Variants in ARHGEF2 observed in about 807,000 individuals in gnomAD.
The protein encoded by ARHGEF2 is Rho/Rac guanine nucleotide exchange factor 2, also known as rho guanine nucleotide exchange factor 2.
In ARHGEF2, 22 loss-of-function variants were observed where a neutral mutation model predicts 121.0. The ratio of observed to expected loss-of-function variants is 0.18; its 90% CI spans 0.13 to 0.26. ARHGEF2 has a LOEUF of 0.26. Among genes scored for constraint, ARHGEF2 ranks in the 10% least tolerant of loss-of-function variants. ARHGEF2 has a pLI of 1.00. For missense variants in ARHGEF2, 907 were observed against 1,336.0 expected (o/e 0.68, Z 5.01); for synonymous variants, 487 against 530.0 (o/e 0.92, Z 1.11).
Position 155,961,165 on chromosome 1 carries a change from A to G in ARHGEF2, c.1468+496T>C, listed in dbSNP as rs1241833373. 6.6e-6 allele frequency among the ~76,000 whole-genome samples: 1 copy of G among 152,060 alleles called. No homozygotes were observed. The highest frequency in any genetic ancestry group is 1.5e-5 in the Non-Finnish European group (1 of 68,006). ...AAAATACTGATAGGGAAGGCCCTGTATGGTCCATAAAGTTAACTGCAGAAT... is the reference window on the plus strand; with the variant it reads ...AAAATACTGATAGGGAAGGCCCTGTGTGGTCCATAAAGTTAACTGCAGAAT... On this transcript the variant is annotated intron_variant, in intron 11 of 21. Transcript: ENST00000361247. This position sits in a 1 kb window ranked among gnomAD's most constrained non-coding sequence, Gnocchi z 4.7.
chr1:155,953,674 G>A (rs184554110), intron 14 of ARHGEF2, among the ~76,000 whole-genome samples: 1 of 150,234 alleles, frequency 6.7e-6, no homozygotes, highest in South Asian at 2.1e-4. Context: ...CGTGGGAGAT[G>A]GAGGTTGCAG....
In ARHGEF2 at chr1:155,978,455, C is replaced by CGGCGCG; in HGVS notation, c.-34_-29dup. ...TCGGACGGGGGGACCAGGGAGGACGCGGCGCGGACCCCGGCGTCCTGTATT... is the reference window on the plus strand; with the variant it reads ...TCGGACGGGGGGACCAGGGAGGACGCGGCGCGGGCGCGGACCCCGGCGTCCTGTATT... On this transcript the variant is annotated 5_prime_UTR_variant, in exon 1 of 22. Coordinates refer to ENST00000361247, the MANE Select transcript of ARHGEF2 (RefSeq NM_001162383.2). The surrounding 1 kb of genome is among the most constrained non-coding windows in gnomAD (Gnocchi z 4.1). 1 of 1,450,178 alleles carries CGGCGCG rather than the reference C, an allele frequency of 6.9e-7. No individual in the cohort carries two copies. The highest frequency in any genetic ancestry group is 2.7e-5 in the East Asian group (1 of 36,660). The allele number at this position is 1,450,178 out of a possible 1,614,324, so 89.8% of individuals were successfully genotyped here.
chr1:155,954,998 G>C (rs1676376519), intron 13 of ARHGEF2, 29 bp from the exon 14 acceptor site: 2 of 1,594,546 alleles, frequency 1.3e-6, no homozygotes, highest in African/African-American at 2.7e-5. Context: ...GCATGCCATT[G>C]AGAGACAGAA....
chr1:155,964,827 A>T (rs1238069794), intron 7 of ARHGEF2, among the ~76,000 whole-genome samples, 161 bp downstream of exon 7: 2 of 146,110 alleles, frequency 1.4e-5, no homozygotes, highest in Non-Finnish European at 3.0e-5. Context: ...TGGGAGGTGG[A>T]GGCTGCAGTG....
intron 1 of ARHGEF2, chr1:155,969,899 T>C (rs1472594293): frequency 3.0e-6 from 3 of 985,560 alleles, no homozygotes. Context: ...CCCAGACCTC[T>C]AACTCTTTTC....
At chr1:155,958,129 C>T (rs901785465) in intron 12 of ARHGEF2, among the ~76,000 whole-genome samples, 191 bp downstream of exon 12, 16 of 152,204 alleles carry the variant, frequency 1.1e-4, no homozygotes, top group African/African-American at 3.9e-4. Flanking sequence ...TCTTTTCCCA[C>T]AGGTGTAAAA....
Position 155,947,486 on chromosome 1 carries a change from GT to G in ARHGEF2, c.*455del. Reference sequence around the variant, plus strand: ...TTTATTTAAAGGGCAGTAGGGTGCTGTGGCTGCAGCCTCTCCTCCAAGACGG... The same window carrying G: ...TTTATTTAAAGGGCAGTAGGGTGCTGGGCTGCAGCCTCTCCTCCAAGACGG... On this transcript the variant is annotated 3_prime_UTR_variant, in exon 22 of 22. Transcript: ENST00000361247. The G allele has an allele frequency of 2.2e-6, 1 of 449,856 alleles. No homozygotes were observed. The highest frequency in any genetic ancestry group is 4.5e-6 in the Non-Finnish European group (1 of 223,780). The allele number at this position is 449,856 out of a possible 1,614,324, so 27.9% of individuals were successfully genotyped here.
intron 13 of ARHGEF2, among the ~76,000 whole-genome samples, chr1:155,956,401 C>T (rs1676682115): frequency 6.6e-6 from 1 of 151,310 alleles, no homozygotes; most frequent in Non-Finnish European, 1.5e-5. Context: ...GCCTGGCCTG[C>T]AATTTCATAC....
Position 155,950,391 on chromosome 1 carries a change from C to G in ARHGEF2, c.2795G>C (p.Ser932Thr). ...FEDRERQELGSPEERLQDSSD... is the reference protein window; with the variant it reads ...FEDRERQELGTPEERLQDSSD... ...GCTGTCTTGCAGCCGCTCTTCGGGGCTCCCCAGTTCCTGCCTCTCTCGGTC... is the reference window on the plus strand; with the variant it reads ...GCTGTCTTGCAGCCGCTCTTCGGGGGTCCCCAGTTCCTGCCTCTCTCGGTC... Residue 932 changes from serine to threonine, a missense_variant, in exon 21 of 22, where the codon AGC (serine) becomes ACC (threonine). Physicochemically the swap from Ser to Thr is moderately conservative, Grantham distance 58. This residue lies in a region of ARHGEF2 where 432 missense variants were observed against 559.5 expected (regional missense o/e 0.77). Coordinates refer to ENST00000361247, the MANE Select transcript of ARHGEF2 (RefSeq NM_001162383.2). This position sits in a 1 kb window ranked among gnomAD's most constrained non-coding sequence, Gnocchi z 5.2. The G allele has an allele frequency of 1.2e-6, 2 of 1,614,078 alleles. No homozygotes were observed. The highest frequency in any genetic ancestry group is 1.7e-6 in the Non-Finnish European group (2 of 1,180,040).
chr1:155,977,573 G>C (rs192040628), intron 1 of ARHGEF2, among the ~76,000 whole-genome samples: 3 of 152,266 alleles, frequency 2.0e-5, no homozygotes, highest in Admixed American at 1.3e-4. Context: ...TCAGCCTAAG[G>C]GTTTCAGGTT....
In ARHGEF2 at chr1:155,950,712, C is replaced by T. The variant is rs972260101; in HGVS notation, c.2703+117G>A. On this transcript the variant is annotated intron_variant, in intron 20 of 21. Transcript: ENST00000361247. This position sits in a 1 kb window ranked among gnomAD's most constrained non-coding sequence, Gnocchi z 5.2. ...GTTCTCCAACCAGTATCTCAATATC[C>T]TTCAAGTCAGTTGACTGATTGCATT... is the stretch of plus-strand genomic sequence containing the variant. The T allele has an allele frequency of 2.6e-6, 3 of 1,136,716 alleles. No homozygotes were observed. The highest frequency in any genetic ancestry group is 3.8e-6 in the Non-Finnish European group (3 of 791,130). 70.4% of individuals were successfully genotyped at this position (1,136,716 alleles called of 1,614,324 possible).
In ARHGEF2 at chr1:155,950,693, C is replaced by T; in HGVS notation, c.2703+136G>A. The T allele has an allele frequency of 9.4e-7, 1 of 1,058,410 alleles. No homozygotes were observed. The highest frequency in any genetic ancestry group is 1.6e-5 in the South Asian group (1 of 64,294). 65.6% of individuals were successfully genotyped at this position (1,058,410 alleles called of 1,614,324 possible). A position where few individuals can be genotyped will look rare whatever the true frequency, so the allele number is the denominator to read the frequency against. On this transcript the variant is annotated intron_variant, in intron 20 of 21. Transcript: ENST00000361247. The surrounding 1 kb of genome is among the most constrained non-coding windows in gnomAD (Gnocchi z 5.2). ...CCATCTACATTTCTTTTCAGTTCTC[C>T]AACCAGTATCTCAATATCCTTCAAG... is the stretch of plus-strand genomic sequence containing the variant.
At chr1:155,969,471 C>T (rs1047040601) in intron 1 of ARHGEF2, 171 bp from the exon 2 acceptor site, 7 of 1,439,618 alleles carry the variant, frequency 4.9e-6, no homozygotes, top group African/African-American at 1.4e-5. Flanking sequence ...GGCAGCTGTC[C>T]GGGAGTGACC....
chr1:155,966,493 A>G lies in ARHGEF2; in HGVS notation c.277-14T>C. 6.2e-7 allele frequency: 1 copy of G among 1,614,038 alleles called. No individual in the cohort carries two copies. Among genetic ancestry groups the G allele is most frequent in the Non-Finnish European group, 8.5e-7 (1 of 1,179,944 alleles). On this transcript the variant is annotated splice_polypyrimidine_tract_variant and intron_variant, in intron 3 of 21. Coordinates refer to ENST00000361247, the MANE Select transcript of ARHGEF2 (RefSeq NM_001162383.2). ...CGCTTTCTGTTGCTGTGAGACAGAG[A>G]GCAGGAGAGAGATACCAAGAATGGC...
intron 13 of ARHGEF2, 86 bp from the exon 14 acceptor site, chr1:155,955,055 C>T: frequency 9.2e-7 from 1 of 1,091,016 alleles, no homozygotes; most frequent in South Asian, 1.4e-5. Context: ...CCAAACATGC[C>T]TTATGCTTCC....
In ARHGEF2 at chr1:155,962,783, C is replaced by T; in HGVS notation, c.976-65G>A. 29 of 1,603,114 alleles carry T rather than the reference C, an allele frequency of 1.8e-5. No homozygotes were observed. The highest frequency in any genetic ancestry group is 2.5e-5 in the Non-Finnish European group (29 of 1,173,194). ...AAAGCCACACTTTACCCACTGGACA[C>T]ACCTCTGGCCTCCTGCCAAACAGGC... is the stretch of plus-strand genomic sequence containing the variant. On this transcript the variant is annotated intron_variant, in intron 8 of 21. Transcript: ENST00000361247. This position sits in a 1 kb window ranked among gnomAD's most constrained non-coding sequence, Gnocchi z 5.8.
chr1:155,966,954 C>G, intron 2 of ARHGEF2, 67 bp from the exon 3 acceptor site: 1 of 1,458,076 alleles, frequency 6.9e-7, no homozygotes, highest in South Asian at 1.1e-5. Flanking sequence ...CACCCACATG[C>G]AGACACCCAT....
Position 155,947,290 on chromosome 1 carries a change from G to T in ARHGEF2, c.*652C>A, listed in dbSNP as rs973652975. 54 of 448,870 alleles carry T rather than the reference G, an allele frequency of 1.2e-4. No individual in the cohort carries two copies. Among genetic ancestry groups the T allele is most frequent in the Non-Finnish European group, 9.0e-5 (20 of 223,116 alleles). 27.8% of individuals were successfully genotyped at this position (448,870 alleles called of 1,614,324 possible). A position where few individuals can be genotyped will look rare whatever the true frequency, so the allele number is the denominator to read the frequency against. On this transcript the variant is annotated 3_prime_UTR_variant, in exon 22 of 22. Coordinates refer to ENST00000361247, the MANE Select transcript of ARHGEF2 (RefSeq NM_001162383.2). ...CAACAAAACATTCTGGTCCCTGTGG[G>T]TTTTTTCCCTCACCCCCAACAAACC... is the stretch of plus-strand genomic sequence containing the variant.
rs1434282403 is a variant in ARHGEF2, at chr1:155,965,961, C to T, written c.341-201G>A. Among the ~76,000 whole-genome samples, 1 of 152,166 alleles carries T rather than the reference C, an allele frequency of 6.6e-6. No homozygotes were observed. The highest frequency in any genetic ancestry group is 2.4e-5 in the African/African-American group (1 of 41,418). On this transcript the variant is annotated intron_variant, in intron 4 of 21. Transcript: ENST00000361247. The surrounding 1 kb of genome is among the most constrained non-coding windows in gnomAD (Gnocchi z 6.0). ...ACAAAGAGCTTTTTCTTACTTATCT[C>T]CTCCCTGACATAAGCCTATAAACAA...
Sources: allele counts gnomAD v4.1 joint callset (sites outside exome capture counted in the v4.1 genomes callset), GRCh38; gene constraint gnomAD v4.1.1; regional missense constraint gnomAD v4.1.1; non-coding constraint Gnocchi (gnomAD v3.1); transcripts MANE v1.5; gene names NCBI Gene and HGNC (gene_info 2026-07-23, HGNC 2026-07-21).